TTC1: variants seen among roughly 807,000 people sequenced by gnomAD.
The protein encoded by TTC1 is tetratricopeptide repeat protein 1.
A neutral mutation model predicts 37.6 loss-of-function variants in TTC1; 31 were observed. That is an observed-to-expected ratio of 0.82 (90% CI 0.62 to 1.11). The LOEUF is 1.11. Ranked by LOEUF, TTC1 falls within the 50% of genes most tolerant of loss-of-function variation. The pLI is 0.00. For synonymous variants in TTC1, 127 were observed against 122.4 expected (o/e 1.04, Z -0.25); for missense variants, 351 against 339.0 (o/e 1.04, Z -0.28).
chr5:160,039,447 A>G (rs1451965002), intron 4 of TTC1, among the ~76,000 whole-genome samples: 1 of 152,082 alleles, frequency 6.6e-6, no homozygotes, highest in African/African-American at 2.4e-5. Flanking sequence ...AAATTATGAA[A>G]GAATGGTAAA....
At position 160,031,715 on chromosome 5, in the gene TTC1, A is replaced by T. The variant is rs187464391; in HGVS notation, c.331-3425A>T. ...CAGTCCTTCAAGTTATAAAGGCAAGATGAGGGCTGGGCACACTGGCTCACA... is the reference window on the plus strand; with the variant it reads ...CAGTCCTTCAAGTTATAAAGGCAAGTTGAGGGCTGGGCACACTGGCTCACA... On this transcript the variant is annotated intron_variant, in intron 2 of 7. Transcript: ENST00000231238. 2.0e-4 allele frequency among the ~76,000 whole-genome samples: 31 copies of T among 152,234 alleles called. 1 individual carries two copies. The highest frequency in any genetic ancestry group is 1.8e-3 in the Admixed American group (28 of 15,300).
At chr5:160,021,392 G>A (rs192369491) in intron 2 of TTC1, among the ~76,000 whole-genome samples, 6 of 152,296 alleles carry the variant, frequency 3.9e-5, no homozygotes, top group Non-Finnish European at 7.4e-5. Flanking sequence ...ACCTACATCC[G>A]TTGATCAAGG....
At chr5:160,038,925 T>C (rs1203161389) in intron 4 of TTC1, 1 of 152,270 alleles carries the variant, frequency 6.6e-6, no homozygotes, top group Non-Finnish European at 1.5e-5. Context: ...CTTCCCAAAG[T>C]GCTGGGATTA....
chr5:160,028,298 CAAAAAAAAAA>C (rs61408395), intron 2 of TTC1, among the ~76,000 whole-genome samples: 1 of 79,702 alleles, frequency 1.3e-5, no homozygotes, highest in African/African-American at 5.0e-5. Flanking sequence ...GACTCCGTCT[CAAAAAAAAAA>C]AAAAAAAAAG....
At position 160,065,114 on chromosome 5, in the gene TTC1, G is replaced by C. The variant is rs771009168; in HGVS notation, c.*49G>C. On this transcript the variant is annotated 3_prime_UTR_variant, in exon 8 of 8. Coordinates refer to ENST00000231238, the MANE Select transcript of TTC1 (RefSeq NM_003314.3). ...GCTGACTTGGAATTGTGTGCTGCTT[G>C]CTGTTAGCTAGGGGAAAGGCCCTGC... The C allele has an allele frequency of 6.3e-7, 1 of 1,590,106 alleles. No homozygotes were observed. Among genetic ancestry groups the C allele is most frequent in the Non-Finnish European group, 8.5e-7 (1 of 1,172,666 alleles).
intron 2 of TTC1, among the ~76,000 whole-genome samples, chr5:160,032,891 T>TGG (rs1202879304): frequency 1.4e-5 from 2 of 144,492 alleles, no homozygotes; most frequent in South Asian, 2.2e-4. Context: ...TTTTTTTTTT[T>TGG]GGGGGGGTAT....
intron 7 of TTC1, among the ~76,000 whole-genome samples, chr5:160,062,784 A>G (rs894624478): frequency 6.7e-6 from 1 of 149,636 alleles, no homozygotes; most frequent in Admixed American, 6.6e-5. Flanking sequence ...CAGTACCAAC[A>G]TTTTCTTGGG....
intron 4 of TTC1, among the ~76,000 whole-genome samples, chr5:160,041,752 T>C (rs1254451124): frequency 6.6e-6 from 1 of 152,246 alleles, no homozygotes; most frequent in African/African-American, 2.4e-5. Flanking sequence ...AGCTCCGTTA[T>C]ACTCCTATGG....
rs775648931 is a variant in TTC1, at chr5:160,065,115, C to T, written c.*50C>T. ...CTGACTTGGAATTGTGTGCTGCTTG[C>T]TGTTAGCTAGGGGAAAGGCCCTGCC... is the stretch of plus-strand genomic sequence containing the variant. On this transcript the variant is annotated 3_prime_UTR_variant, in exon 8 of 8. Coordinates refer to ENST00000231238, the MANE Select transcript of TTC1 (RefSeq NM_003314.3). 6.3e-7 allele frequency: 1 copy of T among 1,590,286 alleles called. No individual in the cohort carries two copies. Among genetic ancestry groups the T allele is most frequent in the Non-Finnish European group, 8.5e-7 (1 of 1,172,572 alleles).
intron 5 of TTC1, among the ~76,000 whole-genome samples, chr5:160,045,678 G>C (rs1334971488): frequency 6.6e-6 from 1 of 151,790 alleles, no homozygotes; most frequent in Non-Finnish European, 1.5e-5. Context: ...TCTCACCTCA[G>C]TCTCCTAAGT....
chr5:160,025,017 A>T (rs1453857455), intron 2 of TTC1, among the ~76,000 whole-genome samples: 1 of 151,632 alleles, frequency 6.6e-6, no homozygotes, highest in Non-Finnish European at 1.5e-5. Context: ...TTGTATTTTT[A>T]TTTTTATTTT....
intron 2 of TTC1, among the ~76,000 whole-genome samples, chr5:160,033,162 A>C (rs539401520): frequency 1.5e-4 from 23 of 152,166 alleles, no homozygotes; most frequent in African/African-American, 5.5e-4. Flanking sequence ...CCTAATCAAT[A>C]CAGTAGAGAT....
chr5:160,047,968 G>A (rs1757295426), intron 5 of TTC1, among the ~76,000 whole-genome samples: 1 of 152,034 alleles, frequency 6.6e-6, no homozygotes, highest in African/African-American at 2.4e-5. Flanking sequence ...GGCTTCATGA[G>A]AACAAGGACT....
intron 5 of TTC1, among the ~76,000 whole-genome samples, chr5:160,045,554 C>CTCTCTCTCTCTCTCT (rs1310066249): frequency 5.2e-5 from 6 of 116,042 alleles, no homozygotes; most frequent in African/African-American, 1.9e-4. Flanking sequence ...TCTCTCTCTC[C>CTCTCTCTCTCTCTCT]CCCTCCCCTC....
At chr5:160,022,276 G>C (rs1433027987) in intron 2 of TTC1, among the ~76,000 whole-genome samples, 1 of 152,154 alleles carries the variant, frequency 6.6e-6, no homozygotes, top group Non-Finnish European at 1.5e-5. Flanking sequence ...ACCCTACTCA[G>C]CCACTGCATT....
rs548625104 is a variant in TTC1, at chr5:160,057,853, C to T, written c.745+6670C>T. Among the ~76,000 whole-genome samples, 5 of 152,276 alleles carry T rather than the reference C, an allele frequency of 3.3e-5. No homozygotes were observed. Among genetic ancestry groups the T allele is most frequent in the Admixed American group, 1.3e-4 (2 of 15,298 alleles). The stretch of plus-strand genomic sequence containing the variant: ...GCACAATCTTGGCTCACTGCAACCC[C>T]GCCTCCTGGGTTCAAACAATTCTTC... On this transcript the variant is annotated intron_variant, in intron 7 of 7. Transcript: ENST00000231238. The surrounding 1 kb of genome is among the most constrained non-coding windows in gnomAD (Gnocchi z 4.4).
rs1485012934 is a variant in TTC1 at position 160,057,924 on chromosome 5, C to T, written c.745+6741C>T. On this transcript the variant is annotated intron_variant, in intron 7 of 7. Transcript: ENST00000231238. This position sits in a 1 kb window ranked among gnomAD's most constrained non-coding sequence, Gnocchi z 4.4. ...CTGGGATTACAGGTGTATGCCACCA[C>T]ACCCAGCTAATTTTTCTATTTTTGT... Among the ~76,000 whole-genome samples the T allele has an allele frequency of 6.6e-6, 1 of 152,134 alleles. No homozygotes were observed. Among genetic ancestry groups the T allele is most frequent in the East Asian group, 1.9e-4 (1 of 5,192 alleles).
At chr5:160,037,634 G>A (rs1035936707) in intron 4 of TTC1, among the ~76,000 whole-genome samples, 1 of 152,188 alleles carries the variant, frequency 6.6e-6, no homozygotes, top group Non-Finnish European at 1.5e-5. Context: ...GAGAGTCGCT[G>A]AAGCCTGGAG....
intron 3 of TTC1, among the ~76,000 whole-genome samples, chr5:160,035,935 T>A (rs565794621): frequency 6.6e-6 from 1 of 151,336 alleles, no homozygotes; most frequent in South Asian, 2.1e-4. Context: ...CCCTATTACC[T>A]GATTTCAGAT....
Sources: gnomAD v4.1 joint callset for allele counts (sites outside exome capture counted in the v4.1 genomes callset) on GRCh38, gnomAD v4.1.1 for gene constraint, Gnocchi (gnomAD v3.1) non-coding constraint, MANE v1.5 for transcripts, NCBI Gene and HGNC (gene_info 2026-07-23, HGNC 2026-07-21) for gene names.